The following ADA variants were observed in gnomAD, a reference collection of about 807,000 sequenced individuals.
The protein encoded by ADA is adenosine deaminase.
A neutral mutation model predicts 49.0 loss-of-function variants in ADA; 45 were observed. That is an observed-to-expected ratio of 0.92 (90% CI 0.72 to 1.18). The LOEUF is 1.18. Among genes scored for constraint, ADA ranks in the 50% most tolerant of loss-of-function variants. The pLI is 0.00. For missense variants in ADA, 445 were observed against 472.5 expected (o/e 0.94, Z 0.54); for synonymous variants, 173 against 184.2 (o/e 0.94, Z 0.49).
chr20:44,644,815 C>T (rs916542865), intron 1 of ADA, among the ~76,000 whole-genome samples: 28 of 152,342 alleles, frequency 1.8e-4, no homozygotes, highest in African/African-American at 6.7e-4. Flanking sequence ...GTGTCTCCTG[C>T]TGACGGGGCC....
At chr20:44,647,157 G>A (rs1254983819) in intron 1 of ADA, among the ~76,000 whole-genome samples, 1 of 152,138 alleles carries the variant, frequency 6.6e-6, no homozygotes, top group East Asian at 1.9e-4. Context: ...TCCCTTGGCC[G>A]GGTGCGGTGG....
At position 44,622,091 on chromosome 20, in the gene ADA, G is replaced by A. The variant is rs181205319; in HGVS notation, c.845+497C>T. 1.5e-3 allele frequency among the ~76,000 whole-genome samples: 234 copies of A among 152,320 alleles called. 2 individuals are homozygous for A. Among genetic ancestry groups the A allele is most frequent in the African/African-American group, 5.2e-3 (216 of 41,576 alleles). On this transcript the variant is annotated intron_variant, in intron 9 of 11. Coordinates refer to ENST00000372874, the MANE Select transcript of ADA (RefSeq NM_000022.4). Reference sequence around the variant, plus strand: ...CCTGATACTGCTCCTGTGGCTTGGCGACAGGACGGAAGGAGGGCCTTGACC... The same window carrying A: ...CCTGATACTGCTCCTGTGGCTTGGCAACAGGACGGAAGGAGGGCCTTGACC...
At chr20:44,647,851 A>G (rs2065606899) in intron 1 of ADA, among the ~76,000 whole-genome samples, 3 of 151,932 alleles carry the variant, frequency 2.0e-5, no homozygotes, top group Non-Finnish European at 4.4e-5. Context: ...CGGGAGGTGG[A>G]GGTTGTAGTG....
chr20:44,644,761 C>T (rs924005340), intron 1 of ADA, among the ~76,000 whole-genome samples: 5 of 152,214 alleles, frequency 3.3e-5, no homozygotes, highest in Non-Finnish European at 7.3e-5. Flanking sequence ...CTAGGCTCCG[C>T]CAGCTCCGAG....
intron 5 of ADA, 23 bp from the exon 6 acceptor site, chr20:44,624,352 G>C: frequency 6.2e-7 from 1 of 1,612,278 alleles, no homozygotes; most frequent in Non-Finnish European, 8.5e-7. Flanking sequence ...TGCCCACCCA[G>C]GCTCTGTCAC....
At chr20:44,622,968 G>A (rs370902329) in intron 7 of ADA, 38 bp from the exon 8 acceptor site, 2 of 1,614,226 alleles carry the variant, frequency 1.2e-6, no homozygotes, top group Admixed American at 1.7e-5. Flanking sequence ...ATGGGAGGAG[G>A]CAGTGAGGAG....
chr20:44,622,822 C>T lies in ADA; in HGVS notation c.780+7G>A, dbSNP rs371862936. The T allele has an allele frequency of 3.2e-4, 514 of 1,614,216 alleles. No homozygotes were observed. The highest frequency in any genetic ancestry group is 4.5e-4 in the Admixed American group (27 of 60,028). On this transcript the variant is annotated splice_region_variant and intron_variant, in intron 8 of 11. Transcript: ENST00000372874. ...GATGGTTCCTCCCCACTCCCTGGCCCGCTTACCTCGAAGTGCATGTTTTCC... is the reference window on the plus strand; with the variant it reads ...GATGGTTCCTCCCCACTCCCTGGCCTGCTTACCTCGAAGTGCATGTTTTCC...
At position 44,622,582 on chromosome 20, in the gene ADA, G is replaced by T. The variant is rs2065341811; in HGVS notation, c.845+6C>A. 6.2e-7 allele frequency: 1 copy of T among 1,614,258 alleles called. No homozygotes were observed. The highest frequency in any genetic ancestry group is 1.3e-5 in the African/African-American group (1 of 75,074). On this transcript the variant is annotated splice_donor_region_variant and intron_variant, in intron 9 of 11. Transcript: ENST00000372874. ...AATTGAACAGGCCCAGGGGAACAGAGCTCACCGAATGACTGCATGCTCCGT... is the reference window on the plus strand; with the variant it reads ...AATTGAACAGGCCCAGGGGAACAGATCTCACCGAATGACTGCATGCTCCGT...
rs1304307291 is a variant in ADA, at chr20:44,619,685, T to G, written c.*149A>C. 2.9e-6 allele frequency: 3 copies of G among 1,034,978 alleles called. No individual in the cohort carries two copies. The highest frequency in any genetic ancestry group is 5.0e-5 in the East Asian group (2 of 40,192). 64.1% of individuals were successfully genotyped at this position (1,034,978 alleles called of 1,614,324 possible). On this transcript the variant is annotated 3_prime_UTR_variant, in exon 12 of 12. Coordinates refer to ENST00000372874, the MANE Select transcript of ADA (RefSeq NM_000022.4). ...ACGCGGCCATGCCGAGGTATACGTGTGTGCAGAAATGGACACATAGGGTTC... is the reference window on the plus strand; with the variant it reads ...ACGCGGCCATGCCGAGGTATACGTGGGTGCAGAAATGGACACATAGGGTTC...
intron 3 of ADA, among the ~76,000 whole-genome samples, chr20:44,627,934 C>G (rs918903757): frequency 6.6e-6 from 1 of 152,226 alleles, no homozygotes; most frequent in Non-Finnish European, 1.5e-5. Context: ...CCACCCGGGT[C>G]AGTGCTTGGA....
At chr20:44,636,716 T>C (rs2065484299) in intron 1 of ADA, among the ~76,000 whole-genome samples, 3 of 152,218 alleles carry the variant, frequency 2.0e-5, no homozygotes. Context: ...CTCAGCCAAC[T>C]AAATAAACTA....
chr20:44,650,246 T>A (rs2065631563), intron 1 of ADA, among the ~76,000 whole-genome samples: 1 of 151,824 alleles, frequency 6.6e-6, no homozygotes, highest in South Asian at 2.1e-4. Flanking sequence ...TGACGGGGAG[T>A]AGCTGAGCAT....
rs1355507733 is a variant in ADA at position 44,619,608 on chromosome 20, G to A, written c.*226C>T. 3.6e-6 allele frequency: 2 copies of A among 561,782 alleles called. No individual in the cohort carries two copies. The highest frequency in any genetic ancestry group is 6.4e-6 in the Non-Finnish European group (2 of 312,624). The allele number at this position is 561,782 out of a possible 1,614,324, so 34.8% of individuals were successfully genotyped here. ...GAAGGAGGGTTTCAGATTCAACCAT[G>A]CCCATGTGCAAGGGCGCTGGTCCCT... is the stretch of plus-strand genomic sequence containing the variant. On this transcript the variant is annotated 3_prime_UTR_variant, in exon 12 of 12. Coordinates refer to ENST00000372874, the MANE Select transcript of ADA (RefSeq NM_000022.4).
intron 9 of ADA, among the ~76,000 whole-genome samples, chr20:44,622,099 G>A (rs528501646): frequency 1.8e-4 from 27 of 152,298 alleles, no homozygotes; most frequent in East Asian, 1.7e-3. Context: ...GCGACAGGAC[G>A]GAAGGAGGGC....
intron 3 of ADA, 149 bp from the exon 4 acceptor site, chr20:44,626,748 A>G (rs1279183849): frequency 1.0e-6 from 1 of 964,110 alleles, no homozygotes; most frequent in Non-Finnish European, 1.6e-6. Context: ...GATCCCAGAC[A>G]CTGGGCAAGT....
chr20:44,621,960 C>T (rs900047450), intron 9 of ADA, among the ~76,000 whole-genome samples: 1 of 152,192 alleles, frequency 6.6e-6, no homozygotes, highest in African/African-American at 2.4e-5. Context: ...AGAGCCGAAG[C>T]CCCTCCCCTT....
At chr20:44,638,115 C>A (rs1027926414) in intron 1 of ADA, among the ~76,000 whole-genome samples, 1 of 152,222 alleles carries the variant, frequency 6.6e-6, no homozygotes, top group African/African-American at 2.4e-5. Flanking sequence ...CTCCTCCACT[C>A]ACTCCCTGCT....
intron 1 of ADA, among the ~76,000 whole-genome samples, chr20:44,650,423 T>C (rs916374734): frequency 3.4e-5 from 5 of 147,566 alleles, no homozygotes; most frequent in Admixed American, 7.0e-5. Context: ...TTTCTTTTCT[T>C]TTCTTTTTCT....
At chr20:44,633,818 AG>A (rs2065455206) in intron 2 of ADA, among the ~76,000 whole-genome samples, 1 of 152,256 alleles carries the variant, frequency 6.6e-6, no homozygotes, top group African/African-American at 2.4e-5. Flanking sequence ...GAAATGGGTG[AG>A]GACAGTTAAT....
Sources: allele counts gnomAD v4.1 joint callset (sites outside exome capture counted in the v4.1 genomes callset), GRCh38; gene constraint gnomAD v4.1.1; transcripts MANE v1.5; gene names NCBI Gene and HGNC (gene_info 2026-07-23, HGNC 2026-07-21).